TBC1D23: variants seen among roughly 807,000 people sequenced by gnomAD.
The protein encoded by TBC1D23 is TBC1 domain family member 23.
In TBC1D23, 55 loss-of-function variants were observed where a neutral mutation model predicts 91.4. The observed-to-expected ratio is 0.60, with a 90% CI of 0.48 to 0.75. The LOEUF (loss-of-function observed/expected upper bound fraction) is 0.75, where lower values mean the gene tolerates loss of function less well. Ranked by LOEUF, TBC1D23 falls within the 30% of genes least tolerant of loss-of-function variation. The pLI, the probability that TBC1D23 is intolerant of heterozygous loss-of-function variation, is 0.00. For synonymous variants in TBC1D23, 289 were observed against 281.0 expected, an observed-to-expected ratio of 1.03 and a Z score of -0.28; for missense variants, 725 against 836.1, an observed-to-expected ratio of 0.87 and a Z score of 1.64.
intron 13 of TBC1D23, among the ~76,000 whole-genome samples, chr3:100,309,928 A>G (rs1705595764): frequency 6.6e-6 from 1 of 152,136 alleles, no homozygotes; most frequent in Non-Finnish European, 1.5e-5. Flanking sequence ...TATTCTTAAA[A>G]TGATTTCACC....
Position 100,320,771 on chromosome 3 carries a change from CTCAAG to C in TBC1D23, c.1824-2_1826del. On this transcript the variant is annotated splice_acceptor_variant and splice_polypyrimidine_tract_variant and intron_variant, in intron 17 of 18. Transcript: ENST00000394144. LOFTEE classifies it high-confidence loss of function. ...CTTTTTCTTTTAATGCTTTTTTTGT[CTCAAG>C]TCATCTGTTGGTTACTGCAACACAT... 5 of 1,432,322 alleles carry C rather than the reference CTCAAG, an allele frequency of 3.5e-6. No homozygotes were observed. The highest frequency in any genetic ancestry group is 4.6e-6 in the Non-Finnish European group (5 of 1,086,236). The allele number at this position is 1,432,322 out of a possible 1,614,324, so 88.7% of individuals were successfully genotyped here.
chr3:100,270,227 C>T (rs530375914), intron 1 of TBC1D23, among the ~76,000 whole-genome samples: 4 of 152,086 alleles, frequency 2.6e-5, no homozygotes, highest in African/African-American at 9.6e-5. Flanking sequence ...TCAATACATA[C>T]GTGTTGAAGG....
At chr3:100,284,063 G>A in intron 4 of TBC1D23, 1 of 400,470 alleles carries the variant, frequency 2.5e-6, no homozygotes, top group Non-Finnish European at 4.5e-6. Context: ...GGGAGATTTA[G>A]GTCAAAAGGA....
chr3:100,310,675 A>G (rs1054090901), intron 14 of TBC1D23, 133 bp downstream of exon 14: 2 of 665,848 alleles, frequency 3.0e-6, no homozygotes, highest in Middle Eastern at 4.2e-4. Context: ...CTATTAGATG[A>G]TTTCATAGTT....
At chr3:100,261,184 G>A (rs2067507305) in intron 1 of TBC1D23, 113 bp downstream of exon 1, 3 of 1,030,168 alleles carry the variant, frequency 2.9e-6, no homozygotes, top group East Asian at 4.9e-5. Flanking sequence ...GCCGGTCCTA[G>A]GCGAAGTCCG....
chr3:100,306,778 C>T (rs911532717), intron 13 of TBC1D23, among the ~76,000 whole-genome samples: 1 of 152,130 alleles, frequency 6.6e-6, no homozygotes, highest in Non-Finnish European at 1.5e-5. Flanking sequence ...TCTTGAAGTT[C>T]AGCTGCTGAA....
At chr3:100,273,050 C>T (rs1202938346) in intron 1 of TBC1D23, among the ~76,000 whole-genome samples, 2 of 152,284 alleles carry the variant, frequency 1.3e-5, no homozygotes, top group East Asian at 3.9e-4. Context: ...TTACGGGTGT[C>T]GGGCTAGGGG....
Position 100,303,285 on chromosome 3 carries a change from G to A in TBC1D23, c.1263+1048G>A, listed in dbSNP as rs1705465419. 3.3e-5 allele frequency among the ~76,000 whole-genome samples: 5 copies of A among 152,106 alleles called. No homozygotes were observed. In the South Asian group the frequency reaches 1.0e-3, roughly 32 times the overall value. ...TTTCTATTTATGTTGTATTTTACTG[G>A]GAATCTGGTTTGAAAAAATTAGTTT... On this transcript the variant is annotated intron_variant, in intron 11 of 18. Coordinates refer to ENST00000394144, the MANE Select transcript of TBC1D23 (RefSeq NM_001199198.3).
Position 100,319,584 on chromosome 3 carries a change from A to ACCC in TBC1D23, c.1823+383_1823+385dup, listed in dbSNP as rs1194092917. ...GCTGGGATTACAGGCATGCGCCACC[A>ACCC]CCCCCGGCTAATTTTGTATTTTTAG... On this transcript the variant is annotated intron_variant, in intron 17 of 18. Transcript: ENST00000394144. Among the ~76,000 whole-genome samples the ACCC allele has an allele frequency of 1.3e-5, 2 of 151,682 alleles. 1 individual carries two copies.
chr3:100,268,698 A>G (rs1185063712), intron 1 of TBC1D23, among the ~76,000 whole-genome samples: 2 of 152,192 alleles, frequency 1.3e-5, no homozygotes, highest in Non-Finnish European at 2.9e-5. Context: ...TTAGTTTCCA[A>G]ATAAACTGCA....
Position 100,306,474 on chromosome 3 carries a change from A to G in TBC1D23, c.1344A>G (p.Gly448=). The change falls in exon 13 of 19, where the codon GGA becomes GGG. Residue 448 remains glycine, a synonymous_variant. Coordinates refer to ENST00000394144, the MANE Select transcript of TBC1D23 (RefSeq NM_001199198.3). ...QQHLADINVD[G]PENGYGHWIA... is the part of the protein sequence containing the mutation. Reference sequence around the variant, plus strand: ...ACCTGGCAGACATTAATGTGGATGGACCAGAAAATGGATATGGCCATTGGA... The same window carrying G: ...ACCTGGCAGACATTAATGTGGATGGGCCAGAAAATGGATATGGCCATTGGA... 1 of 1,612,920 alleles carries G rather than the reference A, an allele frequency of 6.2e-7. No homozygotes were observed. Among genetic ancestry groups the G allele is most frequent in the Non-Finnish European group, 8.5e-7 (1 of 1,178,964 alleles).
chr3:100,315,521 T>C (rs1705727656), intron 15 of TBC1D23, among the ~76,000 whole-genome samples: 1 of 152,188 alleles, frequency 6.6e-6, no homozygotes, highest in African/African-American at 2.4e-5. Context: ...TTCATTTCTA[T>C]TGAAACAAAA....
At chr3:100,313,747 A>G (rs1448977098) in intron 15 of TBC1D23, among the ~76,000 whole-genome samples, 1 of 152,156 alleles carries the variant, frequency 6.6e-6, no homozygotes, top group Non-Finnish European at 1.5e-5. Flanking sequence ...TCTATATAAA[A>G]TTTTACAATC....
intron 8 of TBC1D23, 65 bp downstream of exon 8, chr3:100,296,340 T>C (rs1268787733): frequency 1.3e-5 from 12 of 926,986 alleles, no homozygotes; most frequent in Admixed American, 1.2e-4. Flanking sequence ...TATTACTTTA[T>C]ATTCACTTTA....
intron 1 of TBC1D23, among the ~76,000 whole-genome samples, chr3:100,267,456 T>C (rs2067566382): frequency 6.6e-6 from 1 of 152,238 alleles, no homozygotes; most frequent in African/African-American, 2.4e-5. Flanking sequence ...AAGGAGTTTT[T>C]TCTTATCCTT....
In TBC1D23 at chr3:100,282,544, C is replaced by T. The variant is rs186639569; in HGVS notation, c.271+697C>T. On this transcript the variant is annotated intron_variant, in intron 3 of 18. Transcript: ENST00000394144. Reference sequence around the variant, plus strand: ...TATAAATTGTGATTGAATAGGTTTCCAGTCACCCCACAACATCTATTTCAT... The same window carrying T: ...TATAAATTGTGATTGAATAGGTTTCTAGTCACCCCACAACATCTATTTCAT... 3.6e-3 allele frequency among the ~76,000 whole-genome samples: 555 copies of T among 152,244 alleles called. 12 individuals carry two copies. Among genetic ancestry groups the T allele is most frequent in the East Asian group, 1.9e-3 (10 of 5,190 alleles).
chr3:100,323,748 G>T lies in TBC1D23; in HGVS notation c.*80G>T. 1 of 587,474 alleles carries T rather than the reference G, an allele frequency of 1.7e-6. No individual in the cohort carries two copies. Among genetic ancestry groups the T allele is most frequent in the Non-Finnish European group, 2.6e-6 (1 of 386,860 alleles). The allele number at this position is 587,474 out of a possible 1,614,324, so 36.4% of individuals were successfully genotyped here. ...TATACCTCCTGACTGAATACTAACT[G>T]GAGACCTTTCATTTGCTCATGGGGC... On this transcript the variant is annotated 3_prime_UTR_variant, in exon 19 of 19. Coordinates refer to ENST00000394144, the MANE Select transcript of TBC1D23 (RefSeq NM_001199198.3).
At chr3:100,295,478 T>C in intron 7 of TBC1D23, 130 bp downstream of exon 7, 1 of 674,238 alleles carries the variant, frequency 1.5e-6, no homozygotes, top group Middle Eastern at 4.2e-4. Flanking sequence ...TCTCAGATTA[T>C]ATAAACACTC....
chr3:100,311,940 T>C, intron 15 of TBC1D23, 63 bp downstream of exon 15: 2 of 1,076,784 alleles, frequency 1.9e-6, no homozygotes, highest in Non-Finnish European at 2.7e-6. Flanking sequence ...CTTCATGCCA[T>C]CTATAAGCCT....
Sources: gnomAD v4.1 joint callset for allele counts (sites outside exome capture counted in the v4.1 genomes callset) on GRCh38, gnomAD v4.1.1 for gene constraint, MANE v1.5 for transcripts, NCBI Gene and HGNC (gene_info 2026-07-23, HGNC 2026-07-21) for gene names.